RERE: variants seen among roughly 807,000 people sequenced by gnomAD.
The protein encoded by RERE is arginine-glutamic acid dipeptide repeats protein.
RERE carries 40 observed loss-of-function variants against 146.1 expected under a neutral mutation model. The ratio of observed to expected loss-of-function variants is 0.27; its 90% CI spans 0.21 to 0.36. The LOEUF is 0.36. Ranked by LOEUF, RERE falls within the 10% of genes least tolerant of loss-of-function variation. The pLI is 1.00. For missense variants in RERE, 1,933 were observed against 2,138.7 expected (o/e 0.90, Z 1.90); for synonymous variants, 1,003 against 866.0 (o/e 1.16, Z -2.78).
intron 8 of RERE, among the ~76,000 whole-genome samples, chr1:8,506,772 C>A (rs1257892286): frequency 1.3e-5 from 2 of 152,214 alleles, no homozygotes; most frequent in Non-Finnish European, 2.9e-5. Context: ...AAGTCCAATT[C>A]TTTCTTCCTC....
chr1:8,356,107 T>C lies in RERE; in HGVS notation c.4479A>G (p.Pro1493=), dbSNP rs756524393. 3.3e-6 allele frequency: 5 copies of C among 1,499,264 alleles called. No homozygotes were observed. Among genetic ancestry groups the C allele is most frequent in the Non-Finnish European group, 4.4e-6 (5 of 1,126,982 alleles). 92.9% of individuals were successfully genotyped at this position (1,499,264 alleles called of 1,614,324 possible). A position where few individuals can be genotyped will look rare whatever the true frequency, so the allele number is the denominator to read the frequency against. The change falls in exon 21 of 23, where the codon CCA becomes CCG. Residue 1493 remains proline (P), a synonymous_variant. Coordinates refer to ENST00000400908, the MANE Select transcript of RERE (RefSeq NM_001042681.2). The surrounding 1 kb of genome is among the most constrained non-coding windows in gnomAD (Gnocchi z 5.2). ...CTGGAGGGGAAGTCTTACCGAAAAC[T>C]GGGTGGCGAAGCATCTCGTGCTCGT... ...PPHEHEMLRH[P]VFGTPYPRDL... is the part of the protein sequence containing the mutation.
chr1:8,553,005 CAT>C (rs543324824), intron 6 of RERE, among the ~76,000 whole-genome samples: 70 of 152,142 alleles, frequency 4.6e-4, no homozygotes, highest in East Asian at 1.7e-3. Context: ...CGTCCACACA[CAT>C]GTGTGCAACA....
At chr1:8,547,099 A>C (rs1645873236) in intron 6 of RERE, among the ~76,000 whole-genome samples, 2 of 151,754 alleles carry the variant, frequency 1.3e-5, no homozygotes, top group South Asian at 2.1e-4. Flanking sequence ...AAAAAAAAAA[A>C]ACAAAATATT....
At chr1:8,615,526 A>G (rs1368838750) in intron 3 of RERE, among the ~76,000 whole-genome samples, 1 of 152,226 alleles carries the variant, frequency 6.6e-6, no homozygotes. Context: ...GACAGCACAT[A>G]ACATTTTTAA....
At chr1:8,812,457 G>C (rs909869823) in intron 1 of RERE, among the ~76,000 whole-genome samples, 1 of 152,124 alleles carries the variant, frequency 6.6e-6, no homozygotes, top group Non-Finnish European at 1.5e-5. Context: ...GACCAGCCTG[G>C]CCAACATGGT....
intron 10 of RERE, among the ~76,000 whole-genome samples, chr1:8,494,497 T>C (rs534211967): frequency 2.4e-4 from 37 of 152,086 alleles, no homozygotes; most frequent in Non-Finnish European, 4.9e-4. Flanking sequence ...GAGGTCGAGG[T>C]GGGAGGATCA....
chr1:8,392,743 T>C (rs567661892), intron 12 of RERE, among the ~76,000 whole-genome samples: 3 of 152,324 alleles, frequency 2.0e-5, no homozygotes, highest in East Asian at 1.9e-4. Flanking sequence ...TGCTGCAAGG[T>C]TGTGCTGAAA....
intron 1 of RERE, among the ~76,000 whole-genome samples, chr1:8,728,916 C>T (rs999453734): frequency 6.6e-6 from 1 of 152,134 alleles, no homozygotes; most frequent in East Asian, 1.9e-4. Flanking sequence ...CCTGTAATCC[C>T]AGCACTTTGG....
At chr1:8,568,999 A>G (rs74050235) in intron 4 of RERE, among the ~76,000 whole-genome samples, 3,629 of 152,276 alleles carry the variant, frequency 0.024, 137 homozygotes, top group African/African-American at 0.082. Context: ...TTTCGCAGAT[A>G]AATTAAAATC....
chr1:8,369,508 T>TAAAAAAAAAAAAAAAAAAAAAA (rs1186718390), intron 12 of RERE, among the ~76,000 whole-genome samples: 24 of 76,892 alleles, frequency 3.1e-4, no homozygotes, highest in African/African-American at 1.0e-3. Flanking sequence ...CGCCTTTTAC[T>TAAAAAAAAAAAAAAAAAAAAAA]AAAAAAAAAA....
rs181353710 is a variant in RERE, at chr1:8,493,274, C to T, written c.1104+1789G>A. Among the ~76,000 whole-genome samples, 57 of 152,170 alleles carry T rather than the reference C, an allele frequency of 3.7e-4. 1 individual carries two copies. The highest frequency in any genetic ancestry group is 3.3e-3 in the Admixed American group (51 of 15,282). On this transcript the variant is annotated intron_variant, in intron 10 of 22. Coordinates refer to ENST00000400908, the MANE Select transcript of RERE (RefSeq NM_001042681.2). Reference sequence around the variant, plus strand: ...TCATCTGTAAAATAATCTTAAAGGCCCCTTCTGGCTTAATCATATGCTCAA... The same window carrying T: ...TCATCTGTAAAATAATCTTAAAGGCTCCTTCTGGCTTAATCATATGCTCAA...
chr1:8,765,197 C>T (rs191324890), intron 1 of RERE, among the ~76,000 whole-genome samples: 1 of 152,322 alleles, frequency 6.6e-6, no homozygotes, highest in Admixed American at 6.5e-5. Context: ...TGTTATGCTA[C>T]CACATGGGTG....
chr1:8,506,310 C>T (rs1345883095), intron 8 of RERE, among the ~76,000 whole-genome samples: 1 of 152,220 alleles, frequency 6.6e-6, no homozygotes, highest in African/African-American at 2.4e-5. Flanking sequence ...CACTGTCCTC[C>T]TGCAGCTTCT....
At chr1:8,721,566 A>G (rs952969249) in intron 1 of RERE, among the ~76,000 whole-genome samples, 3 of 152,054 alleles carry the variant, frequency 2.0e-5, no homozygotes, top group Non-Finnish European at 2.9e-5. Context: ...TGCCTGCCTC[A>G]GCCTCCCAAA....
chr1:8,733,200 G>A (rs1464623475), intron 1 of RERE, among the ~76,000 whole-genome samples: 1 of 152,074 alleles, frequency 6.6e-6, no homozygotes, highest in Non-Finnish European at 1.5e-5. Flanking sequence ...AGTGAGTGTT[G>A]GGAGTCACTC....
intron 2 of RERE, among the ~76,000 whole-genome samples, chr1:8,648,221 T>C (rs995034874): frequency 1.3e-5 from 2 of 152,192 alleles, no homozygotes; most frequent in African/African-American, 4.8e-5. Flanking sequence ...CAACATCATG[T>C]TTCATGTTGA....
At chr1:8,687,144 T>C (rs937452275) in intron 1 of RERE, among the ~76,000 whole-genome samples, 3 of 152,198 alleles carry the variant, frequency 2.0e-5, no homozygotes, top group African/African-American at 4.8e-5. Flanking sequence ...AAAAGCGGCA[T>C]GTTTGTATGC....
intron 12 of RERE, among the ~76,000 whole-genome samples, chr1:8,366,837 C>T (rs1641819031): frequency 6.8e-6 from 1 of 148,106 alleles, no homozygotes; most frequent in East Asian, 2.1e-4. Context: ...TGCAGGCTGC[C>T]ATCTCACCCT....
intron 1 of RERE, chr1:8,786,258 T>C (rs1641257005): frequency 3.0e-6 from 3 of 993,490 alleles, no homozygotes; most frequent in East Asian, 2.6e-5. Context: ...ATCTCCACCT[T>C]CTACAAAATG....
Sources: gnomAD v4.1 joint callset for allele counts (sites outside exome capture counted in the v4.1 genomes callset) on GRCh38, gnomAD v4.1.1 for gene constraint, Gnocchi (gnomAD v3.1) non-coding constraint, MANE v1.5 for transcripts, NCBI Gene and HGNC (gene_info 2026-07-23, HGNC 2026-07-21) for gene names.